The following ZFHX3 variants were observed in gnomAD, a reference collection of about 807,000 sequenced individuals.
ZFHX3 encodes the protein zinc finger homeobox protein 3.
In ZFHX3, 42 loss-of-function variants were observed where a neutral mutation model predicts 279.1. That is an observed-to-expected ratio of 0.15 (90% CI 0.12 to 0.19). The LOEUF is 0.19. ZFHX3 is among the 10% of genes least tolerant of loss of function. ZFHX3 has a pLI of 1.00. For missense variants in ZFHX3, 4,981 were observed against 4,754.0 expected (o/e 1.05, Z -1.40); for synonymous variants, 2,293 against 1,957.8 (o/e 1.17, Z -4.52).
chr16:73,292,987 C>T (rs1040162541), intron 4 of ZFHX3, among the ~76,000 whole-genome samples: 1 of 152,166 alleles, frequency 6.6e-6, no homozygotes, highest in Non-Finnish European at 1.5e-5. Flanking sequence ...ATGGCATCTA[C>T]CATGGAGGCA....
In ZFHX3 at chr16:72,796,868, T is replaced by C. The variant is rs2035925343; in HGVS notation, c.5814A>G (p.Ser1938=). 6.2e-7 allele frequency: 1 copy of C among 1,613,600 alleles called. No individual in the cohort carries two copies. The highest frequency in any genetic ancestry group is 8.5e-7 in the Non-Finnish European group (1 of 1,179,952). ...CCTTGGTGGCGTTCCCTCTGGCATCTGAAGCAATGCGTGGAGGGAGCATGG... is the reference window on the plus strand; with the variant it reads ...CCTTGGTGGCGTTCCCTCTGGCATCCGAAGCAATGCGTGGAGGGAGCATGG... The part of the protein sequence containing the change: ...EPSMLPPRIA[S]DARGNATKAL... Residue 1938 remains serine, a synonymous_variant, in exon 9 of 10, where the codon TCA becomes TCG. Transcript: ENST00000268489.
chr16:73,746,373 A>T (rs2053703615), intron 1 of ZFHX3, among the ~76,000 whole-genome samples: 1 of 152,174 alleles, frequency 6.6e-6, no homozygotes, highest in Admixed American at 6.5e-5. Context: ...TTTTATTATA[A>T]ATCTCTTTCT....
At chr16:73,665,808 CT>C (rs527815602) in intron 2 of ZFHX3, among the ~76,000 whole-genome samples, 1,192 of 90,458 alleles carry the variant, frequency 0.013, 27 homozygotes, top group African/African-American at 0.049. Flanking sequence ...TCTTCAATAA[CT>C]TTTTTTTTTT....
At chr16:73,100,081 C>T (rs753560972) in intron 7 of ZFHX3, among the ~76,000 whole-genome samples, 30 of 152,126 alleles carry the variant, frequency 2.0e-4, no homozygotes, top group Non-Finnish European at 3.4e-4. Flanking sequence ...TGTGGAGAAG[C>T]CATAGGTTTT....
chr16:73,523,971 A>T (rs1355381961), intron 2 of ZFHX3, among the ~76,000 whole-genome samples: 1 of 152,126 alleles, frequency 6.6e-6, no homozygotes, highest in Non-Finnish European at 1.5e-5. Context: ...CAGTTTGTAA[A>T]CTCTTCCAGT....
chr16:73,195,806 A>G (rs553031567), intron 5 of ZFHX3, among the ~76,000 whole-genome samples: 33 of 152,308 alleles, frequency 2.2e-4, no homozygotes, highest in African/African-American at 7.0e-4. Flanking sequence ...CAGGAACGGC[A>G]GGAAGTGCTA....
At chr16:73,732,211 T>C (rs1429076565) in intron 1 of ZFHX3, among the ~76,000 whole-genome samples, 2 of 152,146 alleles carry the variant, frequency 1.3e-5, no homozygotes, top group African/African-American at 2.4e-5. Flanking sequence ...GGAAGGAAGG[T>C]TGACTCCGAA....
At chr16:73,694,016 G>A (rs532797262) in intron 1 of ZFHX3, among the ~76,000 whole-genome samples, 84 of 105,900 alleles carry the variant, frequency 7.9e-4, no homozygotes, top group Admixed American at 1.5e-3. Context: ...GGGGTGTTTC[G>A]TTTTAGCTAA....
intron 4 of ZFHX3, among the ~76,000 whole-genome samples, chr16:73,285,618 A>T (rs1000990819): frequency 1.3e-5 from 2 of 152,190 alleles, no homozygotes; most frequent in Non-Finnish European, 2.9e-5. Flanking sequence ...CATGAAATGC[A>T]TATTTTTTGA....
chr16:73,634,881 T>C (rs530146290), intron 2 of ZFHX3, among the ~76,000 whole-genome samples: 1 of 152,088 alleles, frequency 6.6e-6, no homozygotes, highest in African/African-American at 2.4e-5. Context: ...AAGAGAGGTG[T>C]TTGTGGTTGT....
intron 5 of ZFHX3, among the ~76,000 whole-genome samples, chr16:73,190,672 C>T (rs536699820): frequency 9.2e-5 from 14 of 152,230 alleles, no homozygotes; most frequent in Non-Finnish European, 1.8e-4. Flanking sequence ...GTGAGATACA[C>T]AGCTGGAAAA....
At chr16:72,930,418 A>T (rs1473195202) in intron 3 of ZFHX3, among the ~76,000 whole-genome samples, 1 of 148,354 alleles carries the variant, frequency 6.7e-6, no homozygotes, top group Non-Finnish European at 1.5e-5. Flanking sequence ...ACATAAGCTT[A>T]AAAAAAAAAG....
chr16:73,421,253 T>C (rs979261192), intron 3 of ZFHX3: 2 of 152,222 alleles, frequency 1.3e-5, no homozygotes, highest in African/African-American at 4.8e-5. Flanking sequence ...CGGGGCACTG[T>C]GATTAGATAT....
chr16:73,197,542 G>A (rs1968176186), intron 5 of ZFHX3, among the ~76,000 whole-genome samples: 1 of 152,192 alleles, frequency 6.6e-6, no homozygotes, highest in African/African-American at 2.4e-5. Context: ...CAACTAAGCG[G>A]ATAATTCAAA....
chr16:73,422,537 G>A (rs1367934153), intron 3 of ZFHX3, among the ~76,000 whole-genome samples: 2 of 152,276 alleles, frequency 1.3e-5, no homozygotes, highest in East Asian at 3.9e-4. Flanking sequence ...CCAAATCAAA[G>A]TCATTTTTCT....
At chr16:73,157,595 A>C (rs1413611314) in intron 5 of ZFHX3, among the ~76,000 whole-genome samples, 1 of 151,910 alleles carries the variant, frequency 6.6e-6, no homozygotes, top group Non-Finnish European at 1.5e-5. Context: ...CATTGTTTCC[A>C]ATTTGGCTTA....
intron 1 of ZFHX3, among the ~76,000 whole-genome samples, chr16:73,863,970 C>A (rs1444110711): frequency 6.6e-6 from 1 of 152,208 alleles, no homozygotes; most frequent in Non-Finnish European, 1.5e-5. Flanking sequence ...TCACTCCCAC[C>A]TCTCCTCAAA....
chr16:73,564,094 C>G (rs825699), intron 2 of ZFHX3, among the ~76,000 whole-genome samples: 60,779 of 152,084 alleles, frequency 0.4, 12,694 homozygotes, highest in Non-Finnish European at 0.47. Context: ...TAGGTCAGAG[C>G]AAGGACTAGC....
chr16:73,397,790 C>A (rs946786571), intron 3 of ZFHX3, among the ~76,000 whole-genome samples: 1 of 145,758 alleles, frequency 6.9e-6, no homozygotes, highest in African/African-American at 2.6e-5. Context: ...TTAAGCTGGG[C>A]AAGACTTTGG....
Sources: gnomAD v4.1 joint callset for allele counts (sites outside exome capture counted in the v4.1 genomes callset) on GRCh38, gnomAD v4.1.1 for gene constraint, MANE v1.5 for transcripts, NCBI Gene and HGNC (gene_info 2026-07-23, HGNC 2026-07-21) for gene names.